The following TXNDC16 variants were observed in gnomAD, a reference collection of about 807,000 sequenced individuals.
TXNDC16 encodes the protein thioredoxin domain-containing protein 16.
TXNDC16 carries 74 observed loss-of-function variants against 85.6 expected under a neutral mutation model. The ratio of observed to expected loss-of-function variants is 0.86; its 90% CI spans 0.72 to 1.05. The LOEUF (loss-of-function observed/expected upper bound fraction) is 1.05. TXNDC16 is among the 50% of genes least tolerant of loss of function. The pLI, the probability that TXNDC16 is intolerant of heterozygous loss-of-function variation, is 0.00. For missense variants in TXNDC16, 959 were observed against 947.0 expected (o/e 1.01, Z -0.17); for synonymous variants, 335 against 326.5 (o/e 1.03, Z -0.28).
intron 14 of TXNDC16, among the ~76,000 whole-genome samples, chr14:52,477,222 C>T (rs1276258648): frequency 6.6e-6 from 1 of 152,206 alleles, no homozygotes; most frequent in African/African-American, 2.4e-5. Context: ...AAAAGAACCT[C>T]TTTAAAGCAT....
chr14:52,481,275 A>G (rs1428206807), intron 14 of TXNDC16, among the ~76,000 whole-genome samples: 1 of 151,892 alleles, frequency 6.6e-6, no homozygotes, highest in Non-Finnish European at 1.5e-5. Flanking sequence ...GAGTGCACCA[A>G]TATCTCACAA....
At chr14:52,474,854 G>A (rs2035985545) in intron 14 of TXNDC16, among the ~76,000 whole-genome samples, 1 of 152,184 alleles carries the variant, frequency 6.6e-6, no homozygotes, top group Non-Finnish European at 1.5e-5. Context: ...ACAGAACAGC[G>A]TGTGGAGGCT....
At chr14:52,486,728 C>A (rs773766462) in intron 12 of TXNDC16, among the ~76,000 whole-genome samples, 2 of 151,882 alleles carry the variant, frequency 1.3e-5, no homozygotes, top group Non-Finnish European at 2.9e-5. Flanking sequence ...CATTCTGGGC[C>A]AGTATGGATT....
intron 9 of TXNDC16, among the ~76,000 whole-genome samples, chr14:52,500,509 A>T (rs1040602418): frequency 3.3e-5 from 5 of 152,230 alleles, no homozygotes; most frequent in African/African-American, 9.6e-5. Flanking sequence ...TCAGTCGTGC[A>T]ATATGACAAA....
chr14:52,549,971 C>T (rs150376818), intron 1 of TXNDC16, among the ~76,000 whole-genome samples: 1 of 152,260 alleles, frequency 6.6e-6, no homozygotes, highest in East Asian at 1.9e-4. Context: ...TGAAAGACTA[C>T]TGTGCTAGGG....
intron 1 of TXNDC16, among the ~76,000 whole-genome samples, chr14:52,549,287 A>T (rs541576733): frequency 2.0e-5 from 3 of 152,226 alleles, no homozygotes; most frequent in Non-Finnish European, 4.4e-5. Flanking sequence ...TCATTTAAAT[A>T]ATAGAAAGAA....
At chr14:52,493,706 C>T (rs2036467394) in intron 9 of TXNDC16, among the ~76,000 whole-genome samples, 1 of 152,082 alleles carries the variant, frequency 6.6e-6, no homozygotes, top group Admixed American at 6.6e-5. Context: ...ATTGAAAGAG[C>T]CCACTGAATA....
intron 14 of TXNDC16, among the ~76,000 whole-genome samples, chr14:52,473,727 T>C: frequency 6.6e-6 from 1 of 152,184 alleles, no homozygotes; most frequent in East Asian, 1.9e-4. Flanking sequence ...AAAAAACAGA[T>C]TATCTTAGAT....
intron 8 of TXNDC16, among the ~76,000 whole-genome samples, chr14:52,513,974 C>T (rs2140185708): frequency 6.6e-6 from 1 of 152,174 alleles, no homozygotes; most frequent in African/African-American, 2.4e-5. Flanking sequence ...AGTGAGCATG[C>T]ATCCATTTTA....
rs1244202694 is a variant in TXNDC16, at chr14:52,530,127, T to C, written c.392+6592A>G. 6.0e-5 allele frequency among the ~76,000 whole-genome samples: 5 copies of C among 83,876 alleles called. No individual in the cohort carries two copies. The Admixed American group carries it at 1.1e-3, about 19-fold the overall frequency. 55.0% of individuals were successfully genotyped at this position (83,876 alleles called of 152,430 possible). A position where few individuals can be genotyped will look rare whatever the true frequency, so the allele number is the denominator to read the frequency against. On this transcript the variant is annotated intron_variant, in intron 6 of 20. Transcript: ENST00000281741. The stretch of plus-strand genomic sequence containing the variant: ...TATATTTATATTATATATATTTACA[T>C]ATTACAATTTACATATATTTTATAT...
chr14:52,465,313 C>A (rs2035745891), intron 16 of TXNDC16, among the ~76,000 whole-genome samples: 1 of 152,132 alleles, frequency 6.6e-6, no homozygotes, highest in Non-Finnish European at 1.5e-5. Context: ...TAAACATTGG[C>A]CAGGCGCAGT....
rs1215342383 is a variant in TXNDC16, at chr14:52,430,864, G to A, written c.*1440C>T. On this transcript the variant is annotated 3_prime_UTR_variant, in exon 21 of 21. Coordinates refer to ENST00000281741, the MANE Select transcript of TXNDC16 (RefSeq NM_020784.3). The stretch of plus-strand genomic sequence containing the variant: ...CAGGAAAAAAAATTGAGGAGAGGGT[G>A]CTGAGAGTAGCAACGGGTCTATGTT... 2 of 152,144 alleles carry A rather than the reference G, an allele frequency of 1.3e-5. No individual in the cohort carries two copies. The highest frequency in any genetic ancestry group is 2.9e-5 in the Non-Finnish European group (2 of 68,036). The allele number at this position is 152,144 out of a possible 1,614,324, so 9.4% of individuals were successfully genotyped here.
chr14:52,549,629 A>ATTTTGT (rs2038005438), intron 1 of TXNDC16, among the ~76,000 whole-genome samples: 2 of 132,992 alleles, frequency 1.5e-5, no homozygotes, highest in Non-Finnish European at 3.2e-5. Flanking sequence ...AACAGTTCTG[A>ATTTTGT]TTTTTTTTTT....
intron 16 of TXNDC16, among the ~76,000 whole-genome samples, chr14:52,469,392 AT>A (rs1166927608): frequency 6.6e-6 from 1 of 152,078 alleles, no homozygotes; most frequent in African/African-American, 2.4e-5. Context: ...TGATATATAT[AT>A]TCACCAAATA....
chr14:52,479,340 A>G (rs1307779756), intron 14 of TXNDC16, among the ~76,000 whole-genome samples: 1 of 152,118 alleles, frequency 6.6e-6, no homozygotes, highest in Non-Finnish European at 1.5e-5. Context: ...AAAGAAATAA[A>G]GGCATCCAAA....
intron 9 of TXNDC16, among the ~76,000 whole-genome samples, chr14:52,507,239 C>A (rs1385035392): frequency 6.6e-6 from 1 of 152,054 alleles, no homozygotes; most frequent in Non-Finnish European, 1.5e-5. Context: ...AATCAATGTG[C>A]AAAAATCACA....
chr14:52,511,197 C>T (rs772296256), intron 9 of TXNDC16, 43 bp downstream of exon 9: 2 of 1,403,186 alleles, frequency 1.4e-6, no homozygotes, highest in Non-Finnish European at 1.9e-6. Context: ...TGCAATTATA[C>T]AGGCAGTAGA....
At chr14:52,451,320 A>G (rs549583071) in intron 18 of TXNDC16, among the ~76,000 whole-genome samples, 1 of 152,210 alleles carries the variant, frequency 6.6e-6, no homozygotes, top group East Asian at 1.9e-4. Context: ...AAAATAGAGG[A>G]GAAAGGAGTA....
At chr14:52,466,961 A>G (rs1292618867) in intron 16 of TXNDC16, among the ~76,000 whole-genome samples, 1 of 152,094 alleles carries the variant, frequency 6.6e-6, no homozygotes, top group Non-Finnish European at 1.5e-5. Context: ...AGTATAAATT[A>G]CTAATGTTCA....
Sources: allele counts gnomAD v4.1 joint callset (sites outside exome capture counted in the v4.1 genomes callset), GRCh38; gene constraint gnomAD v4.1.1; transcripts MANE v1.5; gene names NCBI Gene and HGNC (gene_info 2026-07-23, HGNC 2026-07-21).